SGCG: variants seen among roughly 807,000 people sequenced by gnomAD.
SGCG encodes the protein sarcoglycan gamma.
SGCG carries 26 observed loss-of-function variants against 29.3 expected under a neutral mutation model. The ratio of observed to expected loss-of-function variants is 0.89; its 90% CI spans 0.65 to 1.23. The LOEUF (loss-of-function observed/expected upper bound fraction) is 1.23, where lower values mean the gene tolerates loss of function less well. Ranked by LOEUF, SGCG falls within the 50% of genes most tolerant of loss-of-function variation. The pLI is 0.00. For synonymous variants in SGCG, 145 were observed against 129.7 expected (o/e 1.12, Z -0.80); for missense variants, 353 against 356.0 (o/e 0.99, Z 0.07).
chr13:23,265,752 G>A (rs181080301), intron 4 of SGCG, among the ~76,000 whole-genome samples: 43 of 152,154 alleles, frequency 2.8e-4, no homozygotes, highest in African/African-American at 9.9e-4. Flanking sequence ...TGGCCATTAT[G>A]AAAAAGTCAA....
intron 4 of SGCG, among the ~76,000 whole-genome samples, 167 bp downstream of exon 4, chr13:23,250,884 G>A (rs1251306560): frequency 6.6e-6 from 1 of 152,186 alleles, no homozygotes; most frequent in Admixed American, 6.5e-5. Context: ...AGAGTGGGGT[G>A]GGGGGTGAGG....
At chr13:23,319,515 A>AT (rs1223791673) in intron 6 of SGCG, among the ~76,000 whole-genome samples, 1 of 152,294 alleles carries the variant, frequency 6.6e-6, no homozygotes, top group East Asian at 1.9e-4. Context: ...ATAGTCATAG[A>AT]TTAAAAAAAA....
intron 1 of SGCG, among the ~76,000 whole-genome samples, chr13:23,190,694 T>G (rs542008443): frequency 1.3e-5 from 2 of 152,338 alleles, no homozygotes; most frequent in South Asian, 4.1e-4. Flanking sequence ...TAAATTCTTG[T>G]AATTGACCCA....
intron 4 of SGCG, among the ~76,000 whole-genome samples, chr13:23,276,452 A>ATTTTTTT (rs1881076189): frequency 7.3e-5 from 1 of 13,730 alleles, no homozygotes. Context: ...TTTTTTTTTG[A>ATTTTTTT]GACAGAGTCT....
chr13:23,293,972 T>A (rs1881813580), intron 5 of SGCG, among the ~76,000 whole-genome samples: 1 of 152,204 alleles, frequency 6.6e-6, no homozygotes, highest in South Asian at 2.1e-4. Context: ...CAAGGGTTGA[T>A]TTAAAAATAA....
At position 23,324,381 on chromosome 13, in the gene SGCG, C is replaced by T. The variant is rs149086397; in HGVS notation, c.716C>T (p.Ala239Val). ...HSSDGMLVLD[A>V]ETVCLPKLVQ... is the part of the protein sequence containing the mutation. ...TCTCCCAACCAGCTTGTGCTTGATG[C>T]TGAAACTGTGTGCTTACCCAAGCTG... Residue 239 changes from alanine to valine, a missense_variant, in exon 8 of 8, where the codon GCT becomes GTT. Coordinates refer to ENST00000218867, the MANE Select transcript of SGCG (RefSeq NM_000231.3). The T allele has an allele frequency of 6.1e-5, 99 of 1,614,068 alleles. No individual in the cohort carries two copies. In the African/African-American group the frequency reaches 1.3e-3, roughly 20 times the overall value.
intron 6 of SGCG, among the ~76,000 whole-genome samples, chr13:23,297,314 G>A (rs1432988580): frequency 2.0e-5 from 3 of 151,920 alleles, no homozygotes; most frequent in East Asian, 1.9e-4. Context: ...CAGTGTTAGA[G>A]GAATTAAAGA....
At chr13:23,239,355 C>T (rs9552888) in intron 3 of SGCG, among the ~76,000 whole-genome samples, 22,940 of 152,000 alleles carry the variant, frequency 0.15, 1,777 homozygotes, top group East Asian at 0.29. Context: ...AAAGGCCAAC[C>T]TAGAACTCTT....
At chr13:23,182,298 C>T (rs1876769947) in intron 1 of SGCG, among the ~76,000 whole-genome samples, 1 of 152,158 alleles carries the variant, frequency 6.6e-6, no homozygotes, top group African/African-American at 2.4e-5. Context: ...CCCTCCACTC[C>T]CTAATCTGTG....
At chr13:23,295,365 G>A in intron 5 of SGCG, 50 bp from the exon 6 acceptor site, 3 of 1,286,988 alleles carry the variant, frequency 2.3e-6, no homozygotes, top group Non-Finnish European at 3.4e-6. Context: ...ATTTTGTTTG[G>A]TGTCACTTAT....
chr13:23,191,895 G>T (rs1373769060), intron 1 of SGCG, among the ~76,000 whole-genome samples: 2 of 152,146 alleles, frequency 1.3e-5, no homozygotes, highest in Admixed American at 1.3e-4. Context: ...GTAAAAAGAG[G>T]GAAGTGTCGG....
chr13:23,244,987 G>A (rs1879647988), intron 3 of SGCG: 1 of 152,190 alleles, frequency 6.6e-6, no homozygotes, highest in African/African-American at 2.4e-5. Context: ...GGTTTGGAAG[G>A]GGACAGAGGC....
chr13:23,306,990 GC>G (rs1238831946), intron 6 of SGCG, among the ~76,000 whole-genome samples: 1 of 152,144 alleles, frequency 6.6e-6, no homozygotes, highest in African/African-American at 2.4e-5. Context: ...TGTATAAGTT[GC>G]CCTTTTCAAG....
chr13:23,166,377 G>A, the SGCG span, among the ~76,000 whole-genome samples: 1 of 152,116 alleles, frequency 6.6e-6, no homozygotes, highest in African/African-American at 2.4e-5. Flanking sequence ...TGTATTTTTA[G>A]TAGAGATGAG....
chr13:23,320,785 C>T (rs1268514238), intron 7 of SGCG, 25 bp downstream of exon 7: 2 of 1,606,846 alleles, frequency 1.2e-6, no homozygotes, highest in Middle Eastern at 1.7e-4. Flanking sequence ...AGATCAGCCT[C>T]CTACTGTATG....
chr13:23,265,674 C>T (rs1880610821), intron 4 of SGCG, among the ~76,000 whole-genome samples: 1 of 152,154 alleles, frequency 6.6e-6, no homozygotes, highest in African/African-American at 2.4e-5. Context: ...AAATACACTC[C>T]ATACCACTAG....
chr13:23,257,275 A>G (rs1880229314), intron 4 of SGCG, among the ~76,000 whole-genome samples: 1 of 151,898 alleles, frequency 6.6e-6, no homozygotes, highest in Non-Finnish European at 1.5e-5. Context: ...TTAGCCCTTT[A>G]TATACTTTAA....
At chr13:23,219,296 C>T (rs886277366) in intron 2 of SGCG, among the ~76,000 whole-genome samples, 1 of 152,184 alleles carries the variant, frequency 6.6e-6, no homozygotes, top group African/African-American at 2.4e-5. Context: ...ATATGCCTGC[C>T]TTGGCCTCCC....
chr13:23,194,424 TAGAC>T (rs1409737218), intron 1 of SGCG, among the ~76,000 whole-genome samples: 1 of 152,172 alleles, frequency 6.6e-6, no homozygotes, highest in Non-Finnish European at 1.5e-5. Context: ...TAAAATAAAT[TAGAC>T]AGTGCTGAAT....
Sources: allele counts gnomAD v4.1 joint callset (sites outside exome capture counted in the v4.1 genomes callset), GRCh38; gene constraint gnomAD v4.1.1; transcripts MANE v1.5; gene names NCBI Gene and HGNC (gene_info 2026-07-23, HGNC 2026-07-21).